The following MGAT4C variants were observed in gnomAD, a reference collection of about 807,000 sequenced individuals.
MGAT4C encodes MGAT4 family member C, also known as alpha-1,3-mannosyl-glycoprotein 4-beta-N-acetylglucosaminyltransferase C.
A neutral mutation model predicts 40.1 loss-of-function variants in MGAT4C; 19 were observed. That is an observed-to-expected ratio of 0.47 (90% CI 0.33 to 0.70). The LOEUF (loss-of-function observed/expected upper bound fraction) is 0.70. Ranked by LOEUF, MGAT4C falls within the 30% of genes least tolerant of loss-of-function variation. The pLI is 0.02. For synonymous variants in MGAT4C, 181 were observed against 187.1 expected (o/e 0.97, Z 0.27); for missense variants, 491 against 563.2 (o/e 0.87, Z 1.30).
chr12:85,997,567 G>C (rs1343399276), intron 2 of MGAT4C, among the ~76,000 whole-genome samples: 2 of 152,302 alleles, frequency 1.3e-5, no homozygotes, highest in East Asian at 3.9e-4. Flanking sequence ...TACAGGCATT[G>C]GGTAAATACA....
chr12:86,682,453 A>G (rs1017354269), intron 2 of MGAT4C, among the ~76,000 whole-genome samples: 8 of 152,040 alleles, frequency 5.3e-5, no homozygotes, highest in Non-Finnish European at 1.2e-4. Context: ...TCTCTGAACC[A>G]TTTAATAAGA....
chr12:86,817,555 T>G (rs2136223380), intron 1 of MGAT4C, among the ~76,000 whole-genome samples: 1 of 151,660 alleles, frequency 6.6e-6, no homozygotes, highest in East Asian at 1.9e-4. Context: ...TCTTTCTGTT[T>G]AATCTAGCAT....
At chr12:86,365,613 ATTC>A (rs981505836) in intron 3 of MGAT4C, among the ~76,000 whole-genome samples, 2 of 151,936 alleles carry the variant, frequency 1.3e-5, no homozygotes, top group African/African-American at 4.8e-5. Context: ...CACAATCCAC[ATTC>A]TTCTGCCTTG....
intron 3 of MGAT4C, among the ~76,000 whole-genome samples, chr12:86,382,782 C>T (rs1389035461): frequency 6.6e-6 from 1 of 152,182 alleles, no homozygotes; most frequent in East Asian, 1.9e-4. Context: ...AGGTATAAGC[C>T]CCAAGCCTTA....
At chr12:86,415,057 A>C (rs1375651176) in intron 3 of MGAT4C, among the ~76,000 whole-genome samples, 1 of 152,034 alleles carries the variant, frequency 6.6e-6, no homozygotes, top group Non-Finnish European at 1.5e-5. Flanking sequence ...TTCCACCCCT[A>C]TTCTAGCAGC....
At chr12:86,667,477 T>C (rs1964141042) in intron 2 of MGAT4C, among the ~76,000 whole-genome samples, 1 of 152,142 alleles carries the variant, frequency 6.6e-6, no homozygotes, top group South Asian at 2.1e-4. Context: ...AGCAAGCAAA[T>C]CAGACTGTGA....
chr12:86,668,960 G>A (rs1017382856), intron 2 of MGAT4C, among the ~76,000 whole-genome samples: 5 of 152,088 alleles, frequency 3.3e-5, no homozygotes, highest in East Asian at 1.9e-4. Flanking sequence ...AGCAGCCTGA[G>A]CTGCCTCACC....
intron 4 of MGAT4C, among the ~76,000 whole-genome samples, chr12:86,276,751 C>A (rs1436228017): frequency 6.6e-6 from 1 of 152,168 alleles, no homozygotes; most frequent in African/African-American, 2.4e-5. Flanking sequence ...CATGCCGTTG[C>A]AAATGACAGA....
rs143191745 is a variant in MGAT4C at position 86,463,348 on chromosome 12, C to T, written c.-228-28083G>A. On this transcript the variant is annotated intron_variant, in intron 2 of 7. Coordinates refer to the MGAT4C transcript ENST00000548651. ...ATCTTATCTTGCATGTAATCATGCC[C>T]CAAGAAGACTATTTTAGTCATATCT... Among the ~76,000 whole-genome samples the T allele has an allele frequency of 2.1e-3, 325 of 152,080 alleles. 5 individuals carry two copies. Among genetic ancestry groups the T allele is most frequent in the Admixed American group, 0.018 (274 of 15,276 alleles).
intron 2 of MGAT4C, among the ~76,000 whole-genome samples, chr12:86,446,680 T>TATATATATATATATATATATATAC (rs1957344125): frequency 4.2e-5 from 5 of 120,134 alleles, no homozygotes; most frequent in Non-Finnish European, 7.0e-5. Context: ...TATATATATA[T>TATATATATATATATATATATATAC]ATATATATAT....
At chr12:86,135,502 G>A (rs994381530) in intron 1 of MGAT4C, among the ~76,000 whole-genome samples, 30 of 152,042 alleles carry the variant, frequency 2.0e-4, no homozygotes, top group Admixed American at 5.9e-4. Context: ...GTGTAATTAC[G>A]CAAGCAAATA....
intron 2 of MGAT4C, among the ~76,000 whole-genome samples, chr12:86,015,237 A>G (rs1888964977): frequency 3.4e-5 from 5 of 148,266 alleles, no homozygotes; most frequent in African/African-American, 1.3e-4. Context: ...GTTTTTCCGC[A>G]ATTACTTTTG....
intron 4 of MGAT4C, among the ~76,000 whole-genome samples, chr12:86,315,920 G>A (rs540560002): frequency 2.0e-5 from 3 of 151,648 alleles, no homozygotes; most frequent in African/African-American, 7.2e-5. Context: ...ATAATGTAAA[G>A]AATGAGGGAA....
intron 3 of MGAT4C, among the ~76,000 whole-genome samples, chr12:86,388,812 G>A (rs2136226462): frequency 6.6e-6 from 1 of 151,006 alleles, no homozygotes; most frequent in African/African-American, 2.4e-5. Flanking sequence ...TTCCTGAGTA[G>A]CTGGGATTAC....
intron 2 of MGAT4C, among the ~76,000 whole-genome samples, chr12:86,489,389 G>T: frequency 6.6e-6 from 1 of 152,064 alleles, no homozygotes; most frequent in Non-Finnish European, 1.5e-5. Flanking sequence ...GAGACCTCTG[G>T]GCACTGCACA....
intron 2 of MGAT4C, among the ~76,000 whole-genome samples, chr12:86,716,134 G>C (rs987335607): frequency 6.6e-6 from 1 of 152,042 alleles, no homozygotes; most frequent in Non-Finnish European, 1.5e-5. Flanking sequence ...AAAAGATACA[G>C]TAAACTGCCC....
intron 2 of MGAT4C, among the ~76,000 whole-genome samples, chr12:86,477,575 AAT>A (rs1001711137): frequency 6.6e-6 from 1 of 151,930 alleles, no homozygotes; most frequent in African/African-American, 2.4e-5. Context: ...CAGATAAAAA[AAT>A]GTCCTTTTTC....
rs374538851 is a variant in MGAT4C at position 86,757,942 on chromosome 12, T to A, written c.-261-30701A>T. ...ACTTTTAAAACCTCTTAAATTCAGT[T>A]ACCATGGAACCAATGGATATCACAT... On this transcript the variant is annotated intron_variant, in intron 1 of 7. Transcript: ENST00000548651. 1.2e-4 allele frequency among the ~76,000 whole-genome samples: 19 copies of A among 152,260 alleles called. 1 individual carries two copies. Among genetic ancestry groups the A allele is most frequent in the East Asian group, 7.7e-4 (4 of 5,174 alleles).
intron 1 of MGAT4C, among the ~76,000 whole-genome samples, chr12:86,829,361 C>A (rs921947754): frequency 1.3e-5 from 2 of 151,440 alleles, no homozygotes; most frequent in African/African-American, 4.8e-5. Flanking sequence ...AAAAGTAGCT[C>A]CTAAACAACC....
Sources: allele counts gnomAD v4.1 joint callset (sites outside exome capture counted in the v4.1 genomes callset), GRCh38; gene constraint gnomAD v4.1.1; transcripts MANE v1.5; gene names NCBI Gene and HGNC (gene_info 2026-07-23, HGNC 2026-07-21).